Variants in IL1R1 observed in about 807,000 individuals in gnomAD.
IL1R1 encodes the protein interleukin 1 receptor type 1.
IL1R1 carries 22 observed loss-of-function variants against 50.2 expected under a neutral mutation model. That is an observed-to-expected ratio of 0.44 (90% CI 0.31 to 0.63). The LOEUF (loss-of-function observed/expected upper bound fraction) is 0.63, where lower values mean the gene tolerates loss of function less well. IL1R1 is among the 20% of genes least tolerant of loss of function. IL1R1 has a pLI of 0.07. For missense variants in IL1R1, 509 were observed against 676.2 expected, an observed-to-expected ratio of 0.75 and a Z score of 2.74; for synonymous variants, 251 against 236.7, an observed-to-expected ratio of 1.06 and a Z score of -0.55.
At chr2:102,157,500 T>G (rs977313879) in intron 2 of IL1R1, among the ~76,000 whole-genome samples, 1 of 152,190 alleles carries the variant, frequency 6.6e-6, no homozygotes, top group African/African-American at 2.4e-5. Flanking sequence ...GAGTTTGTTC[T>G]CAATTTTGTG....
At chr2:102,098,355 T>C (rs1035757837) in intron 1 of IL1R1, among the ~76,000 whole-genome samples, 1 of 152,154 alleles carries the variant, frequency 6.6e-6, no homozygotes, top group African/African-American at 2.4e-5. Flanking sequence ...ATTACTATTA[T>C]GAATTAGTTT....
chr2:102,111,108 A>G lies in IL1R1; in HGVS notation c.-84+6236A>G, dbSNP rs760994514. Among the ~76,000 whole-genome samples the G allele has an allele frequency of 1.6e-3, 238 of 152,316 alleles. 1 individual carries two copies. The highest frequency in any genetic ancestry group is 2.7e-3 in the Non-Finnish European group (186 of 68,014). ...GCCAAGGTGAGCTGGAGACAGAGGC[A>G]GAGGCCAGAGCATGGTGGGTGTTTA... On this transcript the variant is annotated intron_variant, in intron 1 of 10. Transcript: ENST00000409329.
At chr2:102,078,558 A>G (rs1463346841) in intron 1 of IL1R1, among the ~76,000 whole-genome samples, 1 of 139,410 alleles carries the variant, frequency 7.2e-6, no homozygotes, top group Admixed American at 7.3e-5. Context: ...GCAGTCAAAA[A>G]ACTTCACACA....
chr2:102,081,560 C>T (rs866091439), intron 1 of IL1R1, among the ~76,000 whole-genome samples: 14 of 152,230 alleles, frequency 9.2e-5, no homozygotes, highest in Non-Finnish European at 1.5e-4. Flanking sequence ...AGCTCCTTCC[C>T]TGTCCTGGGG....
At chr2:102,136,600 A>T (rs1682359011) in intron 1 of IL1R1, among the ~76,000 whole-genome samples, 1 of 151,678 alleles carries the variant, frequency 6.6e-6, no homozygotes, top group South Asian at 2.1e-4. Flanking sequence ...CTGGTCTCGA[A>T]CCCCTGACCT....
At chr2:102,134,849 G>A (rs1356176474) in intron 1 of IL1R1, among the ~76,000 whole-genome samples, 1 of 152,158 alleles carries the variant, frequency 6.6e-6, no homozygotes, top group African/African-American at 2.4e-5. Flanking sequence ...TACATGCTGG[G>A]ACTCATTCTT....
At chr2:102,130,983 G>A (rs769681336) in intron 1 of IL1R1, among the ~76,000 whole-genome samples, 3 of 152,134 alleles carry the variant, frequency 2.0e-5, no homozygotes, top group Non-Finnish European at 4.4e-5. Flanking sequence ...GAGTTTCCAG[G>A]CCATGGCACA....
chr2:102,127,762 A>G (rs1192369242), intron 1 of IL1R1, among the ~76,000 whole-genome samples: 3 of 152,030 alleles, frequency 2.0e-5, no homozygotes, highest in African/African-American at 7.3e-5. Flanking sequence ...CTCTTTGGCA[A>G]TAGTGATTTG....
upstream of IL1R1, among the ~76,000 whole-genome samples, chr2:102,100,470 A>G (rs1297652982): frequency 2.0e-5 from 3 of 152,074 alleles, no homozygotes; most frequent in Admixed American, 1.3e-4. Context: ...CATGTATCCA[A>G]CTCTACTAAC....
At chr2:102,091,122 A>T (rs572787814) in intron 1 of IL1R1, among the ~76,000 whole-genome samples, 43 of 152,352 alleles carry the variant, frequency 2.8e-4, no homozygotes, top group African/African-American at 9.9e-4. Context: ...GGAGAACCAG[A>T]TATACCCTCC....
At chr2:102,113,886 G>A (rs1457804978) in intron 1 of IL1R1, among the ~76,000 whole-genome samples, 1 of 152,220 alleles carries the variant, frequency 6.6e-6, no homozygotes, top group African/African-American at 2.4e-5. Context: ...AAAATAGCAG[G>A]TGAGTTTCTT....
At chr2:102,147,219 CG>C (rs1223567729) in intron 1 of IL1R1, among the ~76,000 whole-genome samples, 1 of 152,082 alleles carries the variant, frequency 6.6e-6, no homozygotes, top group African/African-American at 2.4e-5. Context: ...GAACTGTCCA[CG>C]TAAGTTTTGT....
chr2:102,074,886 C>T (rs938062146), intron 1 of IL1R1, among the ~76,000 whole-genome samples: 3 of 152,000 alleles, frequency 2.0e-5, no homozygotes, highest in African/African-American at 4.8e-5. Context: ...TTTTTCAGTG[C>T]ATCATTTTTA....
At chr2:102,169,806 C>CT (rs1252460237) in intron 7 of IL1R1, among the ~76,000 whole-genome samples, 4 of 152,326 alleles carry the variant, frequency 2.6e-5, no homozygotes, top group South Asian at 2.1e-4. Context: ...TCTCAACCAT[C>CT]TTTTTTTGTT....
Position 102,171,049 on chromosome 2 carries a change from G to A in IL1R1, c.722-752G>A, listed in dbSNP as rs377103601. On this transcript the variant is annotated intron_variant, in intron 7 of 11. Coordinates refer to ENST00000410023, the MANE Select transcript of IL1R1 (RefSeq NM_000877.4). ...GCACTTCCAGCCTGAGTGACAGAGCGAGACTGTGTCTCATTTTTAAAAATG... is the reference window on the plus strand; with the variant it reads ...GCACTTCCAGCCTGAGTGACAGAGCAAGACTGTGTCTCATTTTTAAAAATG... Among the ~76,000 whole-genome samples, 7 of 152,176 alleles carry A rather than the reference G, an allele frequency of 4.6e-5. No homozygotes were observed. In the East Asian group the frequency reaches 5.8e-4, roughly 13 times the overall value.
At chr2:102,168,727 A>G (rs375835023) in intron 7 of IL1R1, 64 bp downstream of exon 7, 6 of 1,141,934 alleles carry the variant, frequency 5.3e-6, no homozygotes, top group Non-Finnish European at 6.5e-6. Context: ...TAAGAGTAAG[A>G]TAAATTGTAT....
intron 9 of IL1R1, 54 bp from the exon 10 acceptor site, chr2:102,174,533 T>G (rs1201577486): frequency 1.4e-6 from 2 of 1,392,660 alleles, no homozygotes; most frequent in Non-Finnish European, 1.9e-6. Flanking sequence ...GCTCAAAGTT[T>G]TAATTCTTTT....
At chr2:102,109,546 G>A (rs561465331) in intron 1 of IL1R1, among the ~76,000 whole-genome samples, 1 of 152,228 alleles carries the variant, frequency 6.6e-6, no homozygotes, top group South Asian at 2.1e-4. Flanking sequence ...TCCATCCAAA[G>A]GTGCCAAGAG....
At chr2:102,168,503 C>A in intron 6 of IL1R1, 95 bp from the exon 7 acceptor site, 1 of 959,388 alleles carries the variant, frequency 1.0e-6, no homozygotes, top group Non-Finnish European at 1.7e-6. Context: ...GAATATCTGG[C>A]CAGAAGTCAT....
Sources: allele counts gnomAD v4.1 joint callset (sites outside exome capture counted in the v4.1 genomes callset), GRCh38; gene constraint gnomAD v4.1.1; transcripts MANE v1.5; gene names NCBI Gene and HGNC (gene_info 2026-07-23, HGNC 2026-07-21).